TENT4A: variants seen among roughly 807,000 people sequenced by gnomAD.
TENT4A encodes the protein DNA polymerase kappa.
In TENT4A, 7 loss-of-function variants were observed where a neutral mutation model predicts 72.8. That is an observed-to-expected ratio of 0.10 (90% CI 0.05 to 0.18). The LOEUF is 0.18. Among genes scored for constraint, TENT4A ranks in the 10% least tolerant of loss-of-function variants. TENT4A has a pLI of 1.00. For missense variants in TENT4A, 831 were observed against 1,017.7 expected (o/e 0.82, Z 2.50); for synonymous variants, 456 against 434.3 (o/e 1.05, Z -0.62).
chr5:6,716,813 G>C (rs1406409945), intron 1 of TENT4A, among the ~76,000 whole-genome samples: 3 of 152,234 alleles, frequency 2.0e-5, no homozygotes, highest in Non-Finnish European at 4.4e-5. Flanking sequence ...GGTCTGGTTT[G>C]ATACTGCAGT....
intron 1 of TENT4A, among the ~76,000 whole-genome samples, chr5:6,721,933 G>C (rs919147298): frequency 6.6e-6 from 1 of 152,196 alleles, no homozygotes; most frequent in African/African-American, 2.4e-5. Context: ...AGAGATTTCA[G>C]ATCATTGTAA....
chr5:6,727,856 A>G (rs1014953590), intron 1 of TENT4A, among the ~76,000 whole-genome samples: 2 of 152,180 alleles, frequency 1.3e-5, no homozygotes, highest in African/African-American at 4.8e-5. Flanking sequence ...TGTCTGTATC[A>G]GCCAGGGTAT....
chr5:6,719,388 T>C (rs570461973), intron 1 of TENT4A, among the ~76,000 whole-genome samples: 1 of 152,320 alleles, frequency 6.6e-6, no homozygotes, highest in East Asian at 1.9e-4. Context: ...AACCTTGATA[T>C]TCAAATTCAG....
intron 1 of TENT4A, among the ~76,000 whole-genome samples, chr5:6,730,057 T>C (rs1302167614): frequency 4.6e-5 from 7 of 151,842 alleles, no homozygotes; most frequent in Non-Finnish European, 1.0e-4. Context: ...TTTCTTACTT[T>C]CTGTTCTGAG....
chr5:6,732,908 C>T (rs1412679949), intron 1 of TENT4A, among the ~76,000 whole-genome samples: 2 of 152,106 alleles, frequency 1.3e-5, no homozygotes, highest in African/African-American at 4.8e-5. Flanking sequence ...CAGAGGCTTG[C>T]TTCATTTATA....
chr5:6,714,235 G>GC lies in TENT4A; in HGVS notation c.258dup (p.Ala87ArgfsTer156), dbSNP rs1740241769. 1.0e-6 allele frequency: 1 copy of GC among 1,003,002 alleles called. No individual in the cohort carries two copies. Among genetic ancestry groups the GC allele is most frequent in the Non-Finnish European group, 1.2e-6 (1 of 844,162 alleles). The allele number at this position is 1,003,002 out of a possible 1,614,324, so 62.1% of individuals were successfully genotyped here. A position where few individuals can be genotyped will look rare whatever the true frequency, so the allele number is the denominator to read the frequency against. ...CCGGCCCCACCGCGCCCGCCGCGCT[G>GC]CCCCCCGCGCTGCTGACGGCGCTGG... On this transcript the variant is annotated frameshift_variant, in exon 1 of 13. Transcript: ENST00000230859. LOFTEE classifies it high-confidence loss of function.
chr5:6,726,884 G>C (rs867858859), intron 1 of TENT4A, among the ~76,000 whole-genome samples: 2 of 151,834 alleles, frequency 1.3e-5, no homozygotes, highest in South Asian at 2.1e-4. Flanking sequence ...TTAGCGTGGC[G>C]GGGGGTTTTC....
In TENT4A at chr5:6,738,725, A is replaced by T; in HGVS notation, c.883A>T (p.Thr295Ser). The T allele has an allele frequency of 6.2e-7, 1 of 1,611,182 alleles. No individual in the cohort carries two copies. Among genetic ancestry groups the T allele is most frequent in the Non-Finnish European group, 8.5e-7 (1 of 1,177,260 alleles). ...GSFSTGLYLP[T>S]SDIDLVVFGK... ...CTTTAGTACAGGTCTTTATCTTCCA[A>T]CTAGGTGAGTACCAGACTGCATGGC... is the stretch of plus-strand genomic sequence containing the variant. The change falls in exon 3 of 13, where the codon ACT (threonine) becomes TCT (serine). Residue 295 changes from threonine (T) to serine (S), a missense_variant. Thr to Ser is a moderately conservative substitution (Grantham distance 58). Transcript: ENST00000230859.
chr5:6,726,199 A>C (rs1264436430), intron 1 of TENT4A, among the ~76,000 whole-genome samples: 1 of 152,198 alleles, frequency 6.6e-6, no homozygotes, highest in African/African-American at 2.4e-5. Flanking sequence ...TTAAGTCTTC[A>C]TGACAGCACC....
At chr5:6,751,303 C>A in intron 11 of TENT4A, 106 bp downstream of exon 11, 1 of 1,213,852 alleles carries the variant, frequency 8.2e-7, no homozygotes, top group Non-Finnish European at 1.2e-6. Flanking sequence ...AGAAGAGTAA[C>A]TTTTTGAGTA....
chr5:6,737,909 G>T (rs1161247389), intron 2 of TENT4A, among the ~76,000 whole-genome samples: 15 of 129,080 alleles, frequency 1.2e-4, no homozygotes, highest in African/African-American at 3.2e-4. Context: ...GATTTGTTGG[G>T]TTTTTTTTTT....
intron 9 of TENT4A, 32 bp downstream of exon 9, chr5:6,749,689 A>G: frequency 7.2e-7 from 1 of 1,396,408 alleles, no homozygotes; most frequent in African/African-American, 1.4e-5. Context: ...GTTCATCCTA[A>G]CCACTGGCTG....
intron 1 of TENT4A, among the ~76,000 whole-genome samples, chr5:6,717,093 C>A (rs1435085748): frequency 6.6e-6 from 1 of 152,212 alleles, no homozygotes; most frequent in African/African-American, 2.4e-5. Context: ...CCCCTGTGAT[C>A]ATTTCCACAT....
At chr5:6,741,297 G>A (rs1256502183) in intron 4 of TENT4A, among the ~76,000 whole-genome samples, 2 of 152,198 alleles carry the variant, frequency 1.3e-5, no homozygotes, top group African/African-American at 2.4e-5. Flanking sequence ...GAGACCCAGG[G>A]CGAGGGCTGA....
chr5:6,753,231 A>G (rs1742512126), intron 12 of TENT4A, among the ~76,000 whole-genome samples, 194 bp downstream of exon 12: 2 of 152,376 alleles, frequency 1.3e-5, no homozygotes, highest in East Asian at 1.9e-4. Flanking sequence ...GATGTAATAT[A>G]TAGTTTAATT....
At chr5:6,748,439 G>T (rs568996267) in intron 7 of TENT4A, 25 bp from the exon 8 acceptor site, 3 of 1,613,090 alleles carry the variant, frequency 1.9e-6, no homozygotes, top group Admixed American at 1.7e-5. Flanking sequence ...TGTGGGGAGG[G>T]TCTGACATAG....
At chr5:6,747,549 G>T (rs992447949) in intron 7 of TENT4A, among the ~76,000 whole-genome samples, 1 of 152,118 alleles carries the variant, frequency 6.6e-6, no homozygotes, top group African/African-American at 2.4e-5. Context: ...GTTGTTTATA[G>T]ATGGCATGAT....
In TENT4A at chr5:6,714,645, C is replaced by A; in HGVS notation, c.662C>A (p.Ala221Glu). ...LSGGGGPGAQ[A>E]PRPGTPWKSR... is the part of the protein sequence containing the mutation. ...GGAGGGGGCGGCCCCGGGGCCCAGG[C>A]GCCGCGGCCCGGCACCCCGTGGAAG... Residue 221 changes from alanine (A) to glutamate (E), a missense_variant, in exon 1 of 13, where the codon GCG becomes GAG. This residue lies in a region of TENT4A where 302 missense variants were observed against 293.8 expected (regional missense o/e 1.03). Transcript: ENST00000230859. 8.3e-7 allele frequency: 1 copy of A among 1,198,622 alleles called. No homozygotes were observed. The highest frequency in any genetic ancestry group is 4.5e-5 in the Admixed American group (1 of 22,460). The allele number at this position is 1,198,622 out of a possible 1,614,324, so 74.2% of individuals were successfully genotyped here. A position where few individuals can be genotyped will look rare whatever the true frequency, so the allele number is the denominator to read the frequency against.
chr5:6,720,675 AAAATAAATAAATAAATAAAT>A (rs141500932), intron 1 of TENT4A, among the ~76,000 whole-genome samples: 23 of 140,196 alleles, frequency 1.6e-4, no homozygotes, highest in East Asian at 4.3e-4. Flanking sequence ...ACTCTGTCTC[AAAATAAATAAATAAATAAAT>A]AAATAAATAA....
Sources: gnomAD v4.1 joint callset for allele counts (sites outside exome capture counted in the v4.1 genomes callset) on GRCh38, gnomAD v4.1.1 for gene constraint, gnomAD v4.1.1 regional missense constraint, MANE v1.5 for transcripts, NCBI Gene and HGNC (gene_info 2026-07-23, HGNC 2026-07-21) for gene names.